GATAD1: variants seen among roughly 807,000 people sequenced by gnomAD.
The protein encoded by GATAD1 is GATA zinc finger domain-containing protein 1.
GATAD1 carries 12 observed loss-of-function variants against 26.5 expected under a neutral mutation model. The ratio of observed to expected loss-of-function variants is 0.45; its 90% CI spans 0.29 to 0.73. GATAD1 has a LOEUF of 0.73. Among genes scored for constraint, GATAD1 ranks in the 30% least tolerant of loss-of-function variants. The probability of loss-of-function intolerance (pLI) is 0.10; values close to 1 mark genes in which losing one functional copy is unlikely to be tolerated. For missense variants in GATAD1, 266 were observed against 342.1 expected, an observed-to-expected ratio of 0.78 and a Z score of 1.75; for synonymous variants, 129 against 133.1, an observed-to-expected ratio of 0.97 and a Z score of 0.21.
intron 2 of GATAD1, chr7:92,449,336 G>A (rs1023977727): frequency 1.1e-6 from 1 of 894,824 alleles, no homozygotes; most frequent in East Asian, 1.2e-4. Context: ...ACTGACTTAT[G>A]ATGATGATGT....
Position 92,447,720 on chromosome 7 carries a change from G to T in GATAD1, c.-10G>T. 6.8e-7 allele frequency: 1 copy of T among 1,459,908 alleles called. No homozygotes were observed. Among genetic ancestry groups the T allele is most frequent in the Non-Finnish European group, 9.0e-7 (1 of 1,105,158 alleles). The allele number at this position is 1,459,908 out of a possible 1,614,324, so 90.4% of individuals were successfully genotyped here. On this transcript the variant is annotated 5_prime_UTR_variant, in exon 1 of 5. Coordinates refer to ENST00000287957, the MANE Select transcript of GATAD1 (RefSeq NM_021167.5). The stretch of plus-strand genomic sequence containing the variant: ...CTCTGCGCCCGCGGGGGCCGCCCGA[G>T]CCGGCCACCATGCCGCTGGGCCTGA...
In GATAD1 at chr7:92,456,631, C is replaced by T. The variant is rs1287905753; in HGVS notation, c.*69C>T. ...ACGCCTGTAGCCCCAGCTATTGCAC[C>T]ACTGCTCTCCAAGCTGGGCAATGGA... On this transcript the variant is annotated 3_prime_UTR_variant, in exon 5 of 5. Coordinates refer to ENST00000287957, the MANE Select transcript of GATAD1 (RefSeq NM_021167.5). 3 of 900,498 alleles carry T rather than the reference C, an allele frequency of 3.3e-6. No individual in the cohort carries two copies. In the East Asian group the frequency reaches 7.6e-5, roughly 23 times the overall value. The allele number at this position is 900,498 out of a possible 1,614,324, so 55.8% of individuals were successfully genotyped here. A position where few individuals can be genotyped will look rare whatever the true frequency, so the allele number is the denominator to read the frequency against.
the GATAD1 span, chr7:92,489,649 T>C: frequency 1.4e-6 from 2 of 1,420,672 alleles, no homozygotes; most frequent in Non-Finnish European, 2.0e-6. Flanking sequence ...AAGAAATATA[T>C]ATCAAAAGGG....
In GATAD1 at chr7:92,447,588, G is replaced by C. The variant is rs1010667809; in HGVS notation, c.-142G>C. 15 of 1,142,840 alleles carry C rather than the reference G, an allele frequency of 1.3e-5. No homozygotes were observed. In the African/African-American group the frequency reaches 2.1e-4, roughly 16 times the overall value. The allele number at this position is 1,142,840 out of a possible 1,614,324, so 70.8% of individuals were successfully genotyped here. ...CTCCACGGGGCAGCGCCAGCGGCCT[G>C]GTCCTTTCACCGGCAGCTCCGTGCC... On this transcript the variant is annotated 5_prime_UTR_variant, in exon 1 of 5. Coordinates refer to ENST00000287957, the MANE Select transcript of GATAD1 (RefSeq NM_021167.5).
downstream of GATAD1, chr7:92,461,534 AT>A (rs1789922664): frequency 6.6e-6 from 1 of 152,248 alleles, no homozygotes; most frequent in South Asian, 2.1e-4. Context: ...ACTGTTTCTC[AT>A]TATAAACTGT....
the GATAD1 span, chr7:92,491,101 A>T: frequency 1.7e-6 from 1 of 587,384 alleles, no homozygotes; most frequent in Non-Finnish European, 3.0e-6. Flanking sequence ...GAAAATCTTA[A>T]CAAGGAATGC....
Position 92,456,663 on chromosome 7 carries a change from TTC to T in GATAD1, c.*105_*106del, listed in dbSNP as rs1789685012. On this transcript the variant is annotated 3_prime_UTR_variant, in exon 5 of 5. Transcript: ENST00000287957. Reference sequence around the variant, plus strand: ...CTCCAAGCTGGGCAATGGAGTCAGATTCTCTTTCTTAAAAAACCACAAAAAAA... The same window carrying T: ...CTCCAAGCTGGGCAATGGAGTCAGATTCTTTCTTAAAAAACCACAAAAAAA... The T allele has an allele frequency of 1.5e-6, 1 of 654,142 alleles. No homozygotes were observed. Among genetic ancestry groups the T allele is most frequent in the African/African-American group, 1.8e-5 (1 of 54,162 alleles). The allele number at this position is 654,142 out of a possible 1,614,324, so 40.5% of individuals were successfully genotyped here. A position where few individuals can be genotyped will look rare whatever the true frequency, so the allele number is the denominator to read the frequency against.
the GATAD1 span, chr7:92,493,020 A>G: frequency 1.9e-6 from 3 of 1,613,660 alleles, no homozygotes; most frequent in Non-Finnish European, 2.5e-6. Context: ...TAAAGCTTTC[A>G]GATCAGCTCC....
the GATAD1 span, among the ~76,000 whole-genome samples, chr7:92,482,717 G>C: frequency 6.6e-6 from 1 of 152,114 alleles, no homozygotes; most frequent in Non-Finnish European, 1.5e-5. Context: ...TGTAGCCCAG[G>C]AATAGTCGGG....
At chr7:92,453,149 A>G (rs1252603540) in intron 3 of GATAD1, among the ~76,000 whole-genome samples, 1 of 152,208 alleles carries the variant, frequency 6.6e-6, no homozygotes, top group African/African-American at 2.4e-5. Flanking sequence ...GCTATGTTAC[A>G]GTTCAGTTAC....
At position 92,456,523 on chromosome 7, in the gene GATAD1, T is replaced by C. The variant is rs1231439993; in HGVS notation, c.771T>C (p.Pro257=). 6.2e-7 allele frequency: 1 copy of C among 1,612,616 alleles called. No individual in the cohort carries two copies. ...TATGGACTCATGTTGGGCCTACTCC[T>C]GCAATAACAATTAAGGAATCAGTTG... ...GYIWTHVGPT[P]AITIKESVAN... The change falls in exon 5 of 5, where the codon CCT becomes CCC. Residue 257 remains proline, a synonymous_variant. Transcript: ENST00000287957.
At chr7:92,476,633 GTCTCTCTCACTGTC>G in the GATAD1 span, among the ~76,000 whole-genome samples, 1 of 150,858 alleles carries the variant, frequency 6.6e-6, no homozygotes, top group Non-Finnish European at 1.5e-5. Flanking sequence ...TCTCTCTTCT[GTCTCTCTCACTGTC>G]TCTCTCTCCT....
chr7:92,480,838 T>C, the GATAD1 span, among the ~76,000 whole-genome samples: 1 of 152,130 alleles, frequency 6.6e-6, no homozygotes, highest in African/African-American at 2.4e-5. Flanking sequence ...CAGCTTCCTT[T>C]GGAAGTAAAG....
chr7:92,456,189 A>G (rs1284466284), intron 4 of GATAD1, among the ~76,000 whole-genome samples, 183 bp from the exon 5 acceptor site: 2 of 152,242 alleles, frequency 1.3e-5, no homozygotes, highest in African/African-American at 4.8e-5. Context: ...AGAATGCCAT[A>G]TTCTTTAAGC....
Position 92,447,916 on chromosome 7 carries a change from G to A in GATAD1, c.187G>A (p.Ala63Thr). 8.0e-7 allele frequency: 1 copy of A among 1,251,470 alleles called. No individual in the cohort carries two copies. Among genetic ancestry groups the A allele is most frequent in the Non-Finnish European group, 1.0e-6 (1 of 1,000,310 alleles). The allele number at this position is 1,251,470 out of a possible 1,614,324, so 77.5% of individuals were successfully genotyped here. A position where few individuals can be genotyped will look rare whatever the true frequency, so the allele number is the denominator to read the frequency against. The change falls in exon 1 of 5, where the codon GCG becomes ACG. Residue 63 changes from alanine to threonine, a missense_variant. Ala to Thr is a moderately conservative substitution (Grantham distance 58). Coordinates refer to ENST00000287957, the MANE Select transcript of GATAD1 (RefSeq NM_021167.5). Reference protein sequence around the residue: ...GGSGGGGFGAATFASTSATPP... With the variant: ...GGSGGGGFGATTFASTSATPP... ...CAGCGGCGGCGGCGGCTTCGGCGCG[G>A]CGACCTTCGCCAGCACCTCCGCCAC... is the stretch of plus-strand genomic sequence containing the variant.
the GATAD1 span, chr7:92,469,875 A>C: frequency 1.3e-6 from 1 of 777,946 alleles, no homozygotes; most frequent in Non-Finnish European, 2.4e-6. Context: ...TGAGGGTGGT[A>C]TTAAATAGGC....
At position 92,459,257 on chromosome 7, in the gene GATAD1, C is replaced by A. The variant is rs1219330126; in HGVS notation, c.*2695C>A. ...AAAAAAAAAGATTTTGGAGTAGATT[C>A]ATCATTAATAAGTAACAGATTTTAG... On this transcript the variant is annotated 3_prime_UTR_variant, in exon 5 of 5. Transcript: ENST00000287957. The A allele has an allele frequency of 6.6e-6, 1 of 151,102 alleles. No individual in the cohort carries two copies. The highest frequency in any genetic ancestry group is 2.4e-5 in the African/African-American group (1 of 41,142). 9.4% of individuals were successfully genotyped at this position (151,102 alleles called of 1,614,324 possible).
At chr7:92,474,865 C>T in the GATAD1 span, 1 of 152,280 alleles carries the variant, frequency 6.6e-6, no homozygotes, top group Non-Finnish European at 1.5e-5. Context: ...GCCGAATTCT[C>T]TTCCTCCCAC....
intron 3 of GATAD1, among the ~76,000 whole-genome samples, chr7:92,453,240 AG>A (rs1789515412): frequency 6.6e-6 from 1 of 152,230 alleles, no homozygotes; most frequent in African/African-American, 2.4e-5. Context: ...CCCTGTTTCA[AG>A]GGAAGCAGCA....
Sources: gnomAD v4.1 joint callset for allele counts (sites outside exome capture counted in the v4.1 genomes callset) on GRCh38, gnomAD v4.1.1 for gene constraint, MANE v1.5 for transcripts, NCBI Gene and HGNC (gene_info 2026-07-23, HGNC 2026-07-21) for gene names.